The following ROBO1 variants were observed in gnomAD, a reference collection of about 807,000 sequenced individuals.
The protein encoded by ROBO1 is roundabout guidance receptor 1.
A neutral mutation model predicts 195.9 loss-of-function variants in ROBO1; 149 were observed. That is an observed-to-expected ratio of 0.76 (90% CI 0.67 to 0.87). The LOEUF is 0.87. Among genes scored for constraint, ROBO1 ranks in the 40% least tolerant of loss-of-function variants. The probability of loss-of-function intolerance (pLI) is 0.00; values close to 1 mark genes in which losing one functional copy is unlikely to be tolerated. For synonymous variants in ROBO1, 816 were observed against 733.2 expected (o/e 1.11, Z -1.82); for missense variants, 1,933 against 2,068.3 (o/e 0.93, Z 1.27).
At chr3:79,613,325 G>A (rs1944722076) in intron 1 of ROBO1, among the ~76,000 whole-genome samples, 1 of 151,910 alleles carries the variant, frequency 6.6e-6, no homozygotes, top group Admixed American at 6.6e-5. Context: ...GTTTGGGATT[G>A]ATTAAAAGAA....
chr3:79,306,698 G>A (rs1338429159), intron 2 of ROBO1, among the ~76,000 whole-genome samples: 1 of 152,200 alleles, frequency 6.6e-6, no homozygotes, highest in African/African-American at 2.4e-5. Context: ...ATATGATAAG[G>A]TAGTTTGAAA....
intron 4 of ROBO1, among the ~76,000 whole-genome samples, chr3:78,861,979 T>C (rs2034871945): frequency 6.6e-6 from 1 of 152,164 alleles, no homozygotes; most frequent in African/African-American, 2.4e-5. Flanking sequence ...TCTCCAAAGA[T>C]GTCTATGCCT....
At chr3:78,961,581 C>T (rs1196186272) in intron 3 of ROBO1, among the ~76,000 whole-genome samples, 1 of 152,108 alleles carries the variant, frequency 6.6e-6, no homozygotes, top group African/African-American at 2.4e-5. Flanking sequence ...GAAGTGGGCA[C>T]TATTATTATC....
intron 3 of ROBO1, among the ~76,000 whole-genome samples, chr3:79,007,984 A>G (rs1412245222): frequency 6.6e-6 from 1 of 152,210 alleles, no homozygotes; most frequent in Non-Finnish European, 1.5e-5. Flanking sequence ...TGTAAAGTCT[A>G]CCTCTGAAAG....
At chr3:78,795,792 C>G (rs138921393) in intron 4 of ROBO1, among the ~76,000 whole-genome samples, 252 of 152,208 alleles carry the variant, frequency 1.7e-3, no homozygotes, top group Admixed American at 3.1e-3. Context: ...GGAAGATACA[C>G]TTCATTGCCA....
intron 2 of ROBO1, among the ~76,000 whole-genome samples, chr3:79,419,241 A>G (rs1306389303): frequency 6.6e-6 from 1 of 152,162 alleles, no homozygotes; most frequent in African/African-American, 2.4e-5. Context: ...GTACAGTATC[A>G]GCAAATTGAT....
chr3:78,666,484 G>A (rs1043592369), intron 14 of ROBO1, among the ~76,000 whole-genome samples: 3 of 152,192 alleles, frequency 2.0e-5, no homozygotes, highest in Non-Finnish European at 4.4e-5. Context: ...ACTGGCTGGA[G>A]ACCACTGTAC....
At chr3:78,982,133 C>G (rs1332773466) in intron 3 of ROBO1, among the ~76,000 whole-genome samples, 1 of 152,162 alleles carries the variant, frequency 6.6e-6, no homozygotes, top group Admixed American at 6.5e-5. Flanking sequence ...CCCGCAAGAG[C>G]TCTGAGGACA....
chr3:78,715,543 T>C (rs1327592985), intron 7 of ROBO1, among the ~76,000 whole-genome samples: 1 of 152,156 alleles, frequency 6.6e-6, no homozygotes, highest in Non-Finnish European at 1.5e-5. Flanking sequence ...TTCTTATTAT[T>C]TTTTTGGAGA....
chr3:79,539,264 G>A (rs1941981779), intron 2 of ROBO1, among the ~76,000 whole-genome samples: 1 of 152,042 alleles, frequency 6.6e-6, no homozygotes, highest in Non-Finnish European at 1.5e-5. Flanking sequence ...TTTGTTATGG[G>A]ATACTCCTTA....
chr3:79,438,137 C>G (rs1327854208), intron 2 of ROBO1, among the ~76,000 whole-genome samples: 4 of 151,892 alleles, frequency 2.6e-5, no homozygotes, highest in Non-Finnish European at 5.9e-5. Flanking sequence ...TAATGTCATA[C>G]AAATTACTTA....
At chr3:78,730,844 A>AT (rs1165391212) in intron 5 of ROBO1, among the ~76,000 whole-genome samples, 1 of 152,168 alleles carries the variant, frequency 6.6e-6, no homozygotes, top group East Asian at 1.9e-4. Context: ...TTCTACATAC[A>AT]TCCTTAGAGG....
At chr3:79,699,869 T>C (rs572588908) in intron 1 of ROBO1, among the ~76,000 whole-genome samples, 12 of 151,788 alleles carry the variant, frequency 7.9e-5, no homozygotes, top group African/African-American at 2.9e-4. Context: ...TCACGGAGTG[T>C]ATGTGTAGGT....
chr3:79,652,901 A>G (rs2106760506), intron 1 of ROBO1, among the ~76,000 whole-genome samples: 1 of 152,084 alleles, frequency 6.6e-6, no homozygotes, highest in Non-Finnish European at 1.5e-5. Context: ...GCCATAAATA[A>G]AGGAACAGAC....
chr3:79,491,858 T>A (rs964080645), intron 2 of ROBO1, among the ~76,000 whole-genome samples: 1 of 151,950 alleles, frequency 6.6e-6, no homozygotes, highest in African/African-American at 2.4e-5. Flanking sequence ...CAGTGTTTGG[T>A]TGCTAGTTTG....
chr3:79,351,642 A>G lies in ROBO1; in HGVS notation c.89-226103T>C, dbSNP rs190954395. ...ATTTTTAGTGATTATTGTTCATTTC[A>G]TCCCTGTTCAATTACACTGTTTGAA... On this transcript the variant is annotated intron_variant, in intron 2 of 30. Transcript: ENST00000464233. Among the ~76,000 whole-genome samples the G allele has an allele frequency of 1.1e-4, 16 of 152,222 alleles. No homozygotes were observed. In the East Asian group the frequency reaches 3.1e-3, roughly 29 times the overall value.
At chr3:79,352,619 G>C (rs766595208) in intron 2 of ROBO1, among the ~76,000 whole-genome samples, 1 of 152,110 alleles carries the variant, frequency 6.6e-6, no homozygotes, top group East Asian at 1.9e-4. Flanking sequence ...TCACTACGAA[G>C]GAACTCCCTT....
intron 5 of ROBO1, among the ~76,000 whole-genome samples, chr3:78,737,174 A>T (rs1176586966): frequency 6.6e-6 from 1 of 152,136 alleles, no homozygotes; most frequent in Non-Finnish European, 1.5e-5. Flanking sequence ...GTTCACCCAA[A>T]ATACCCCTAG....
chr3:78,750,976 T>G (rs2082779378), intron 4 of ROBO1, among the ~76,000 whole-genome samples: 1 of 152,210 alleles, frequency 6.6e-6, no homozygotes, highest in Non-Finnish European at 1.5e-5. Context: ...ACTATTGTAA[T>G]GTAAAAATCC....
Sources: gnomAD v4.1 joint callset for allele counts (sites outside exome capture counted in the v4.1 genomes callset) on GRCh38, gnomAD v4.1.1 for gene constraint, MANE v1.5 for transcripts, NCBI Gene and HGNC (gene_info 2026-07-23, HGNC 2026-07-21) for gene names.